Variants in PTPRQ observed in about 807,000 individuals in gnomAD.
PTPRQ encodes protein tyrosine phosphatase receptor type Q, also known as phosphatidylinositol phosphatase PTPRQ.
In PTPRQ, 199 loss-of-function variants were observed where a neutral mutation model predicts 246.0. The ratio of observed to expected loss-of-function variants is 0.81; its 90% CI spans 0.72 to 0.91. The LOEUF (loss-of-function observed/expected upper bound fraction) is 0.91, where lower values mean the gene tolerates loss of function less well. Among genes scored for constraint, PTPRQ ranks in the 40% least tolerant of loss-of-function variants. The pLI is 0.00. For missense variants in PTPRQ, 2,624 were observed against 2,528.4 expected (o/e 1.04, Z -0.81); for synonymous variants, 869 against 853.2 (o/e 1.02, Z -0.32).
At chr12:80,572,652 G>A (rs1172972144) in intron 25 of PTPRQ, among the ~76,000 whole-genome samples, 1 of 152,076 alleles carries the variant, frequency 6.6e-6, no homozygotes, top group Non-Finnish European at 1.5e-5. Context: ...TAGACTTTCT[G>A]TAGATACCCC....
intron 6 of PTPRQ, 68 bp from the exon 7 acceptor site, chr12:80,468,642 G>A (rs1893522188): frequency 1.5e-6 from 2 of 1,331,378 alleles, no homozygotes; most frequent in Non-Finnish European, 2.0e-6. Flanking sequence ...GTTTTATTAT[G>A]TGTATTTAAT....
chr12:80,510,372 C>G lies in PTPRQ; in HGVS notation c.2607C>G (p.Val869=). 3 of 1,550,398 alleles carry G rather than the reference C, an allele frequency of 1.9e-6. No homozygotes were observed. The highest frequency in any genetic ancestry group is 2.6e-6 in the Non-Finnish European group (3 of 1,146,142). ...QDFSVKQLSG[V]TVKLSWQPPL... ...TCTCTGTAAAACAGTTGTCTGGTGT[C>G]ACGGTGAAGTTGTCATGGCAACCAC... The change falls in exon 17 of 45, where the codon GTC becomes GTG. Residue 869 remains valine, a synonymous_variant. Coordinates refer to ENST00000644991, the MANE Select transcript of PTPRQ (RefSeq NM_001145026.2).
chr12:80,470,048 A>T (rs188209068), intron 7 of PTPRQ, among the ~76,000 whole-genome samples: 1 of 152,332 alleles, frequency 6.6e-6, no homozygotes, highest in African/African-American at 2.4e-5. Flanking sequence ...GTGAATAGAG[A>T]GTAAGGGTAG....
intron 35 of PTPRQ, 120 bp downstream of exon 35, chr12:80,635,193 C>A: frequency 7.1e-7 from 1 of 1,399,246 alleles, no homozygotes; most frequent in Non-Finnish European, 9.3e-7. Context: ...CAGAGATCTT[C>A]TTTCAAAGAG....
chr12:80,521,092 T>C (rs1438642470), intron 17 of PTPRQ, among the ~76,000 whole-genome samples: 1 of 152,166 alleles, frequency 6.6e-6, no homozygotes, highest in East Asian at 1.9e-4. Context: ...GGTTTTGATT[T>C]GCATTTCTCT....
At chr12:80,577,649 GGTAA>G in intron 25 of PTPRQ, among the ~76,000 whole-genome samples, 1 of 152,246 alleles carries the variant, frequency 6.6e-6, no homozygotes, top group African/African-American at 2.4e-5. Context: ...ATTTTTTAAA[GGTAA>G]GTGTTTCACA....
At chr12:80,532,970 G>A (rs1825470559) in intron 17 of PTPRQ, among the ~76,000 whole-genome samples, 1 of 152,052 alleles carries the variant, frequency 6.6e-6, no homozygotes, top group Admixed American at 6.6e-5. Context: ...AATGATTCAA[G>A]GCTTCAAATA....
intron 20 of PTPRQ, 77 bp from the exon 21 acceptor site, chr12:80,541,478 A>G (rs963228277): frequency 7.3e-6 from 9 of 1,240,128 alleles, no homozygotes; most frequent in African/African-American, 1.5e-5. Flanking sequence ...CATTTCAACA[A>G]TTATACTCAG....
chr12:80,482,063 G>A (rs935331331), intron 8 of PTPRQ, among the ~76,000 whole-genome samples: 25 of 151,280 alleles, frequency 1.7e-4, no homozygotes, highest in African/African-American at 4.9e-4. Context: ...AGCCCGCATC[G>A]CCAAGTCAAT....
intron 36 of PTPRQ, 53 bp from the exon 37 acceptor site, chr12:80,649,535 G>A (rs1331997817): frequency 1.0e-5 from 16 of 1,530,632 alleles, no homozygotes; most frequent in South Asian, 7.5e-5. Context: ...CAATGCTAAC[G>A]CGAACAAATA....
chr12:80,652,643 A>C (rs1900293384), intron 37 of PTPRQ, 101 bp from the exon 38 acceptor site: 1 of 1,230,860 alleles, frequency 8.1e-7, no homozygotes, highest in African/African-American at 1.6e-5. Flanking sequence ...TTTAATTTAA[A>C]AATTAAAAAA....
At position 80,616,214 on chromosome 12, in the gene PTPRQ, T is replaced by G. The variant is rs779742831; in HGVS notation, c.5178T>G (p.Asn1726Lys). 1 of 1,488,082 alleles carries G rather than the reference T, an allele frequency of 6.7e-7. No homozygotes were observed. Among genetic ancestry groups the G allele is most frequent in the Admixed American group, 2.3e-5 (1 of 42,864 alleles). The allele number at this position is 1,488,082 out of a possible 1,614,324, so 92.2% of individuals were successfully genotyped here. A position where few individuals can be genotyped will look rare whatever the true frequency, so the allele number is the denominator to read the frequency against. Residue 1726 changes from asparagine to lysine, a missense_variant, in exon 30 of 45, where the codon AAT (asparagine) becomes AAG (lysine). Transcript: ENST00000644991. ...HTYNISVYAV[N>K]SAGAGPKVPM... ...GTTTGTTTTAGGTTTACGCAGTCAA[T>G]AGTGCTGGTGCAGGTCCAAAGGTTC...
intron 39 of PTPRQ, among the ~76,000 whole-genome samples, chr12:80,661,123 C>T (rs573399665): frequency 7.2e-5 from 11 of 151,802 alleles, no homozygotes; most frequent in African/African-American, 2.4e-4. Context: ...TGTTTATATA[C>T]ATCATTTACA....
At chr12:80,533,400 A>G (rs1338200612) in intron 17 of PTPRQ, among the ~76,000 whole-genome samples, 1 of 152,026 alleles carries the variant, frequency 6.6e-6, no homozygotes, top group African/African-American at 2.4e-5. Flanking sequence ...TATTGTAAAT[A>G]CTTTAAAGAT....
At chr12:80,670,799 G>A (rs1900945395) in intron 42 of PTPRQ, among the ~76,000 whole-genome samples, 1 of 152,038 alleles carries the variant, frequency 6.6e-6, no homozygotes, top group Non-Finnish European at 1.5e-5. Flanking sequence ...TAGAGTTGTG[G>A]TTATTAGTGA....
chr12:80,611,477 G>A (rs747743164), intron 28 of PTPRQ, among the ~76,000 whole-genome samples: 33 of 150,094 alleles, frequency 2.2e-4, no homozygotes, highest in Admixed American at 7.3e-4. Flanking sequence ...TTTATTATCA[G>A]CATCCTAAAA....
At chr12:80,471,514 G>C (rs1354685028) in intron 7 of PTPRQ, among the ~76,000 whole-genome samples, 1 of 15,882 alleles carries the variant, frequency 6.3e-5, no homozygotes, top group Non-Finnish European at 1.2e-4. Flanking sequence ...GTCTCGCTCT[G>C]TCGCCCAGGC....
chr12:80,551,656 A>T (rs1896478419), intron 25 of PTPRQ, among the ~76,000 whole-genome samples: 1 of 152,202 alleles, frequency 6.6e-6, no homozygotes, highest in African/African-American at 2.4e-5. Flanking sequence ...TACTCCAAAT[A>T]TTTTGCTCAT....
At chr12:80,510,668 C>A (rs767174463) in intron 17 of PTPRQ, among the ~76,000 whole-genome samples, 1 of 151,994 alleles carries the variant, frequency 6.6e-6, no homozygotes, top group Non-Finnish European at 1.5e-5. Context: ...TTATGTGTTA[C>A]GCATAATTAT....
Sources: gnomAD v4.1 joint callset for allele counts (sites outside exome capture counted in the v4.1 genomes callset) on GRCh38, gnomAD v4.1.1 for gene constraint, MANE v1.5 for transcripts, NCBI Gene and HGNC (gene_info 2026-07-23, HGNC 2026-07-21) for gene names.